The following TAFA5 variants were observed in gnomAD, a reference collection of about 807,000 sequenced individuals.
TAFA5 encodes chemokine-like protein TAFA-5.
TAFA5 carries 6 observed loss-of-function variants against 15.3 expected under a neutral mutation model. The observed-to-expected ratio is 0.39, with a 90% CI of 0.21 to 0.77. TAFA5 has a LOEUF of 0.77. Ranked by LOEUF, TAFA5 falls within the 30% of genes least tolerant of loss-of-function variation. The pLI, the probability that TAFA5 is intolerant of heterozygous loss-of-function variation, is 0.41. For missense variants in TAFA5, 161 were observed against 193.1 expected, an observed-to-expected ratio of 0.83 and a Z score of 0.98; for synonymous variants, 103 against 80.7, an observed-to-expected ratio of 1.28 and a Z score of -1.48.
At chr22:48,502,332 G>A (rs966794438) in intron 1 of TAFA5, among the ~76,000 whole-genome samples, 1 of 152,072 alleles carries the variant, frequency 6.6e-6, no homozygotes, top group African/African-American at 2.4e-5. Flanking sequence ...CTGTGTATTT[G>A]GTTTTATTAC....
At chr22:48,541,176 C>T (rs916999073) in intron 1 of TAFA5, among the ~76,000 whole-genome samples, 1 of 152,136 alleles carries the variant, frequency 6.6e-6, no homozygotes, top group African/African-American at 2.4e-5. Context: ...ACCCTGTCCT[C>T]CCGGGGCGTT....
At chr22:48,743,010 C>G (rs2147275205) in intron 3 of TAFA5, among the ~76,000 whole-genome samples, 1 of 152,320 alleles carries the variant, frequency 6.6e-6, no homozygotes, top group Admixed American at 6.5e-5. Flanking sequence ...TCAACATCCC[C>G]AGGACTCACT....
In TAFA5 at chr22:48,751,183, G is replaced by A. The variant is rs1282116863; in HGVS notation, c.*1336G>A. The stretch of plus-strand genomic sequence containing the variant: ...TATCTTGAACATGCTTCTTCCAATG[G>A]GTTTTGTTTCCCATTTCCTGCCCCT... On this transcript the variant is annotated 3_prime_UTR_variant, in exon 4 of 4. Coordinates refer to ENST00000402357, the MANE Select transcript of TAFA5 (RefSeq NM_001082967.3). 6.6e-6 allele frequency: 1 copy of A among 152,378 alleles called. No homozygotes were observed. Among genetic ancestry groups the A allele is most frequent in the African/African-American group, 2.4e-5 (1 of 41,466 alleles). 9.4% of individuals were successfully genotyped at this position (152,378 alleles called of 1,614,324 possible).
At chr22:48,691,202 G>T (rs532889774) in intron 2 of TAFA5, among the ~76,000 whole-genome samples, 12 of 152,300 alleles carry the variant, frequency 7.9e-5, no homozygotes, top group Middle Eastern at 3.4e-3. Context: ...AAGCTGGCTC[G>T]GGTGCGAGGT....
chr22:48,533,023 G>T (rs133474), intron 1 of TAFA5, among the ~76,000 whole-genome samples: 1 of 152,242 alleles, frequency 6.6e-6, no homozygotes, highest in East Asian at 1.9e-4. Flanking sequence ...CCAGGCTGTT[G>T]CCCTAAATGC....
chr22:48,647,207 G>A (rs1249199876), intron 2 of TAFA5, among the ~76,000 whole-genome samples: 1 of 152,184 alleles, frequency 6.6e-6, no homozygotes, highest in African/African-American at 2.4e-5. Flanking sequence ...AGACTCGGGA[G>A]GCCGCAGCTC....
chr22:48,491,129 G>GC (rs1294016267), intron 1 of TAFA5, among the ~76,000 whole-genome samples: 1 of 152,228 alleles, frequency 6.6e-6, no homozygotes, highest in East Asian at 1.9e-4. Context: ...CCGTGGGTGC[G>GC]CCGGCGCCCC....
intron 3 of TAFA5, among the ~76,000 whole-genome samples, chr22:48,732,737 G>A (rs114368975): frequency 0.012 from 1,796 of 152,280 alleles, 43 homozygotes; most frequent in African/African-American, 0.041. Flanking sequence ...AAACAGCATC[G>A]CATGCTACAG....
At chr22:48,571,310 C>G (rs1040386208) in intron 1 of TAFA5, among the ~76,000 whole-genome samples, 2 of 125,486 alleles carry the variant, frequency 1.6e-5, no homozygotes, top group Non-Finnish European at 3.2e-5. Flanking sequence ...AAGTCTCGCT[C>G]TGTTGCCAGG....
intron 2 of TAFA5, among the ~76,000 whole-genome samples, chr22:48,691,700 G>A (rs759801839): frequency 7.2e-5 from 11 of 152,224 alleles, no homozygotes; most frequent in Admixed American, 1.3e-4. Flanking sequence ...CCTACGGGGC[G>A]CCTGCCCCTT....
intron 1 of TAFA5, chr22:48,543,872 C>T (rs1922558927): frequency 6.6e-6 from 1 of 152,340 alleles, no homozygotes; most frequent in Non-Finnish European, 1.5e-5. Flanking sequence ...CCTCATTCTC[C>T]ACCTGGAGAG....
At chr22:48,631,022 G>A (rs545219489) in intron 1 of TAFA5, among the ~76,000 whole-genome samples, 28 of 152,184 alleles carry the variant, frequency 1.8e-4, no homozygotes, top group Non-Finnish European at 3.2e-4. Flanking sequence ...GGAATGCAGC[G>A]TGGAGTCCCT....
At chr22:48,557,343 G>A (rs1449500342) in intron 1 of TAFA5, among the ~76,000 whole-genome samples, 1 of 152,194 alleles carries the variant, frequency 6.6e-6, no homozygotes, top group African/African-American at 2.4e-5. Flanking sequence ...ACAGAGAGAA[G>A]ACGGCGTCCA....
At position 48,489,715 on chromosome 22, in the gene TAFA5, C is replaced by A; in HGVS notation, c.112+11C>A. On this transcript the variant is annotated intron_variant, in intron 1 of 3. Coordinates refer to ENST00000402357, the MANE Select transcript of TAFA5 (RefSeq NM_001082967.3). This position sits in a 1 kb window ranked among gnomAD's most constrained non-coding sequence, Gnocchi z 5.5. ...TCATCGCCTACTGCAGTGAGTACCG[C>A]GCGGCCCCGGCCCCGGCACGGCCCT... 7.0e-7 allele frequency: 1 copy of A among 1,438,818 alleles called. No homozygotes were observed. Among genetic ancestry groups the A allele is most frequent in the Non-Finnish European group, 9.2e-7 (1 of 1,084,894 alleles). 89.1% of individuals were successfully genotyped at this position (1,438,818 alleles called of 1,614,324 possible).
At chr22:48,665,398 A>T (rs1927576685) in intron 2 of TAFA5, among the ~76,000 whole-genome samples, 1 of 152,160 alleles carries the variant, frequency 6.6e-6, no homozygotes, top group Admixed American at 6.5e-5. Context: ...GCTAAGTCGA[A>T]TTGATTCATC....
chr22:48,715,176 A>C (rs956478001), intron 3 of TAFA5, among the ~76,000 whole-genome samples: 4 of 152,244 alleles, frequency 2.6e-5, no homozygotes, highest in African/African-American at 9.6e-5. Flanking sequence ...GGCCCAGATC[A>C]GAACCCATGG....
At chr22:48,735,222 G>C (rs1929975401) in intron 3 of TAFA5, among the ~76,000 whole-genome samples, 1 of 152,182 alleles carries the variant, frequency 6.6e-6, no homozygotes, top group Non-Finnish European at 1.5e-5. Context: ...GGAGCTGGGA[G>C]CTGGAGCCCC....
intron 1 of TAFA5, among the ~76,000 whole-genome samples, chr22:48,625,862 G>A (rs538531591): frequency 7.2e-5 from 11 of 152,140 alleles, no homozygotes; most frequent in African/African-American, 2.2e-4. Flanking sequence ...CTCTTTCCCC[G>A]CCAGAAACCC....
chr22:48,569,002 C>CT (rs1420003533), intron 1 of TAFA5, among the ~76,000 whole-genome samples: 1 of 152,222 alleles, frequency 6.6e-6, no homozygotes, highest in African/African-American at 2.4e-5. Flanking sequence ...ACCCTCCATC[C>CT]TGAACCCACA....
Sources: gnomAD v4.1 joint callset for allele counts (sites outside exome capture counted in the v4.1 genomes callset) on GRCh38, gnomAD v4.1.1 for gene constraint, Gnocchi (gnomAD v3.1) non-coding constraint, MANE v1.5 for transcripts, NCBI Gene and HGNC (gene_info 2026-07-23, HGNC 2026-07-21) for gene names.